ZNF644: variants seen among roughly 807,000 people sequenced by gnomAD.
The protein encoded by ZNF644 is zinc finger protein 644, also known as zinc finger motif enhancer binding protein 2.
ZNF644 carries 20 observed loss-of-function variants against 108.0 expected under a neutral mutation model. That is an observed-to-expected ratio of 0.19 (90% CI 0.13 to 0.27). The LOEUF (loss-of-function observed/expected upper bound fraction) is 0.27, where lower values mean the gene tolerates loss of function less well. ZNF644 is among the 10% of genes least tolerant of loss of function. The probability of loss-of-function intolerance (pLI) is 1.00; values close to 1 mark genes in which losing one functional copy is unlikely to be tolerated. For synonymous variants in ZNF644, 542 were observed against 539.1 expected, an observed-to-expected ratio of 1.01 and a Z score of -0.08; for missense variants, 1,338 against 1,548.9, an observed-to-expected ratio of 0.86 and a Z score of 2.29.
intron 1 of ZNF644, among the ~76,000 whole-genome samples, chr1:90,997,912 C>T (rs984437765): frequency 3.9e-5 from 6 of 152,240 alleles, no homozygotes; most frequent in African/African-American, 1.4e-4. Context: ...CCTCGCGTGG[C>T]TTGGAGGGTC....
chr1:90,955,637 C>G (rs1176555678), intron 2 of ZNF644, among the ~76,000 whole-genome samples: 4 of 152,350 alleles, frequency 2.6e-5, no homozygotes, highest in East Asian at 1.9e-4. Context: ...TCTTCCGAAA[C>G]TTCCTCACCT....
intron 2 of ZNF644, among the ~76,000 whole-genome samples, chr1:90,948,774 C>T (rs771760183): frequency 3.0e-4 from 46 of 152,132 alleles, no homozygotes; most frequent in Middle Eastern, 3.2e-3. Context: ...GAAAAGTTGA[C>T]CAACAGAACC....
rs1557532145 is a variant in ZNF644, at chr1:90,915,772, A to G, written c.*1026T>C. The G allele has an allele frequency of 6.6e-6, 1 of 152,624 alleles. No individual in the cohort carries two copies. The highest frequency in any genetic ancestry group is 1.5e-5 in the Non-Finnish European group (1 of 67,992). The allele number at this position is 152,624 out of a possible 1,614,324, so 9.5% of individuals were successfully genotyped here. On this transcript the variant is annotated 3_prime_UTR_variant, in exon 6 of 6. Coordinates refer to ENST00000337393, the MANE Select transcript of ZNF644 (RefSeq NM_201269.3). ...TAAAATTTAAATTGTAAACATTCTC[A>G]TATGTAGAAATATTTTAATTGGTGT...
At chr1:91,005,379 G>C (rs1204585680) in intron 1 of ZNF644, among the ~76,000 whole-genome samples, 1 of 152,090 alleles carries the variant, frequency 6.6e-6, no homozygotes, top group Non-Finnish European at 1.5e-5. Context: ...AAAAATAATA[G>C]TTAGAAACCT....
chr1:90,937,438 G>T (rs1270123046), intron 4 of ZNF644, 47 bp downstream of exon 4: 2 of 1,611,440 alleles, frequency 1.2e-6, no homozygotes, highest in South Asian at 1.1e-5. Flanking sequence ...AGGCATAATT[G>T]AACTGCATTT....
rs781479163 is a variant in ZNF644, at chr1:90,940,485, T to C, written c.869A>G (p.Lys290Arg). ...PPHSKIGLEK[K>R]RKRKMDVSKI... is the part of the protein sequence containing the mutation. ...GCTTACATCCATTTTTCGCTTTCTT[T>C]TTTTTTCTAGACCTATTTTAGAATG... The change falls in exon 3 of 6, where the codon AAA (lysine) becomes AGA (arginine). Residue 290 changes from lysine (K) to arginine (R), a missense_variant. Lys to Arg is a conservative substitution (Grantham distance 26, BLOSUM62 2). Around this residue, in one of 6 missense-constraint regions of ZNF644, gnomAD observed 464 missense variants for 457.9 expected, o/e 1.01. Coordinates refer to ENST00000337393, the MANE Select transcript of ZNF644 (RefSeq NM_201269.3). The C allele has an allele frequency of 6.2e-7, 1 of 1,613,762 alleles. No individual in the cohort carries two copies. Among genetic ancestry groups the C allele is most frequent in the African/African-American group, 1.3e-5 (1 of 74,984 alleles).
intron 5 of ZNF644, among the ~76,000 whole-genome samples, chr1:90,917,468 T>C (rs1648912766): frequency 6.6e-6 from 1 of 152,120 alleles, no homozygotes; most frequent in Admixed American, 6.5e-5. Context: ...AATTAAACCA[T>C]ACAAACCAAA....
chr1:90,986,197 C>G (rs1483102677), intron 1 of ZNF644, among the ~76,000 whole-genome samples: 3 of 151,896 alleles, frequency 2.0e-5, no homozygotes, highest in African/African-American at 7.2e-5. Context: ...TCAAGTATAA[C>G]ACATCCTCCC....
At chr1:91,019,501 G>C (rs1325083346) in intron 1 of ZNF644, among the ~76,000 whole-genome samples, 1 of 152,170 alleles carries the variant, frequency 6.6e-6, no homozygotes, top group African/African-American at 2.4e-5. Context: ...TGATATTTCT[G>C]TATTTTGTAC....
chr1:91,019,796 AC>A (rs751726783), intron 1 of ZNF644, among the ~76,000 whole-genome samples: 6 of 152,138 alleles, frequency 3.9e-5, no homozygotes, highest in Admixed American at 6.5e-5. Flanking sequence ...CGATCTCTTG[AC>A]CTCGTGATCT....
chr1:90,937,792 T>C lies in ZNF644; in HGVS notation c.3381A>G (p.Ala1127=). The part of the protein sequence containing the change: ...FISQNVIPLE[A]YRNGLKTEAL... ...CTTCAGTCTTTAGGCCATTACGGTA[T>C]GCTTCAAGAGGTATAACATTTTGAG... The change falls in exon 4 of 6, where the codon GCA becomes GCG. Residue 1127 remains alanine, a synonymous_variant. Coordinates refer to ENST00000337393, the MANE Select transcript of ZNF644 (RefSeq NM_201269.3). 6.2e-7 allele frequency: 1 copy of C among 1,613,936 alleles called. No homozygotes were observed. The highest frequency in any genetic ancestry group is 2.2e-5 in the East Asian group (1 of 44,870).
intron 2 of ZNF644, among the ~76,000 whole-genome samples, chr1:90,953,726 C>T (rs995121286): frequency 6.6e-6 from 1 of 151,940 alleles, no homozygotes; most frequent in African/African-American, 2.4e-5. Context: ...ACCAGCCTGG[C>T]CAACATGGGG....
chr1:91,011,701 A>G (rs1470992577), intron 1 of ZNF644, among the ~76,000 whole-genome samples: 2 of 152,202 alleles, frequency 1.3e-5, no homozygotes, highest in African/African-American at 4.8e-5. Flanking sequence ...ACTGTCCATA[A>G]GGTAACATTC....
chr1:90,928,411 G>C (rs371882783), intron 4 of ZNF644, among the ~76,000 whole-genome samples: 8 of 145,006 alleles, frequency 5.5e-5, no homozygotes, highest in African/African-American at 2.1e-4. Flanking sequence ...TCCAGCTTCT[G>C]GGTTCATGCA....
At chr1:91,004,871 T>C (rs1001603459) in intron 1 of ZNF644, among the ~76,000 whole-genome samples, 2 of 152,084 alleles carry the variant, frequency 1.3e-5, no homozygotes, top group African/African-American at 4.8e-5. Context: ...GTGATACACT[T>C]GAAAATATCT....
At chr1:91,004,818 C>CA (rs1359738836) in intron 1 of ZNF644, among the ~76,000 whole-genome samples, 1 of 151,952 alleles carries the variant, frequency 6.6e-6, no homozygotes, top group Non-Finnish European at 1.5e-5. Context: ...GCAACCACTA[C>CA]AAAAATGAAC....
intron 1 of ZNF644, among the ~76,000 whole-genome samples, chr1:91,009,156 A>G (rs565007865): frequency 5.3e-5 from 8 of 152,316 alleles, no homozygotes; most frequent in African/African-American, 1.7e-4. Flanking sequence ...GGAAAGACTT[A>G]GTGCCAGCAG....
Position 90,941,022 on chromosome 1 carries a change from G to T in ZNF644, c.332C>A (p.Pro111His). 3 of 1,614,068 alleles carry T rather than the reference G, an allele frequency of 1.9e-6. No homozygotes were observed. The highest frequency in any genetic ancestry group is 2.5e-6 in the Non-Finnish European group (3 of 1,179,968). The change falls in exon 3 of 6, where the codon CCT becomes CAT. Residue 111 changes from proline to histidine, a missense_variant. Pro to His is a moderately conservative substitution (Grantham distance 77). Around this residue, in one of 6 missense-constraint regions of ZNF644, gnomAD observed 464 missense variants for 457.9 expected, o/e 1.01. Coordinates refer to ENST00000337393, the MANE Select transcript of ZNF644 (RefSeq NM_201269.3). ...PTVSSENFIL[P>H]KGAAVNGPVS... ...TGGTCCATTAACAGCAGCTCCTTTA[G>T]GCAAGATAAAGTTTTCACTAGAAAC...
At chr1:90,988,792 A>G (rs1340506184) in intron 1 of ZNF644, among the ~76,000 whole-genome samples, 1 of 152,230 alleles carries the variant, frequency 6.6e-6, no homozygotes, top group Non-Finnish European at 1.5e-5. Flanking sequence ...AGAGGAAAGG[A>G]CAGTCTTTTC....
Sources: allele counts gnomAD v4.1 joint callset (sites outside exome capture counted in the v4.1 genomes callset), GRCh38; gene constraint gnomAD v4.1.1; regional missense constraint gnomAD v4.1.1; transcripts MANE v1.5; gene names NCBI Gene and HGNC (gene_info 2026-07-23, HGNC 2026-07-21).